VCP: variants seen among roughly 807,000 people sequenced by gnomAD.
VCP encodes transitional endoplasmic reticulum ATPase.
In VCP, 6 loss-of-function variants were observed where a neutral mutation model predicts 85.7. The observed-to-expected ratio is 0.07, with a 90% CI of 0.04 to 0.14. The LOEUF is 0.14. VCP is among the 10% of genes least tolerant of loss of function. The pLI is 1.00. For synonymous variants in VCP, 384 were observed against 367.1 expected, an observed-to-expected ratio of 1.05 and a Z score of -0.53; for missense variants, 353 against 1,043.4, an observed-to-expected ratio of 0.34 and a Z score of 9.12.
At chr9:35,062,496 G>T in intron 7 of VCP, 146 bp from the exon 8 acceptor site, 2 of 1,307,732 alleles carry the variant, frequency 1.5e-6, no homozygotes, top group Non-Finnish European at 1.1e-6. Context: ...TCCTCTACCA[G>T]CCATTATCCC....
At chr9:35,060,648 G>T in intron 12 of VCP, 123 bp from the exon 13 acceptor site, 1 of 1,525,478 alleles carries the variant, frequency 6.6e-7, no homozygotes, top group Non-Finnish European at 9.1e-7. Flanking sequence ...AGGTTCTCTA[G>T]AAGAAGACTC....
intron 1 of VCP, among the ~76,000 whole-genome samples, chr9:35,071,088 G>A (rs1033833709): frequency 3.3e-5 from 5 of 152,260 alleles, no homozygotes; most frequent in African/African-American, 9.6e-5. Context: ...CAGGTTCCAA[G>A]AATTTTAGAT....
In VCP at chr9:35,059,335, T is replaced by G; in HGVS notation, c.2005-116A>C. The G allele has an allele frequency of 6.5e-7, 1 of 1,541,768 alleles. No homozygotes were observed. Among genetic ancestry groups the G allele is most frequent in the South Asian group, 1.2e-5 (1 of 85,340 alleles). On this transcript the variant is annotated intron_variant, in intron 14 of 16. Coordinates refer to ENST00000358901, the MANE Select transcript of VCP (RefSeq NM_007126.5). This position sits in a 1 kb window ranked among gnomAD's most constrained non-coding sequence, Gnocchi z 4.9. ...TTGCCCCTTCTTTGGCCACCCCATTTTATTCCTGATTCTAGATTATCTTGA... is the reference window on the plus strand; with the variant it reads ...TTGCCCCTTCTTTGGCCACCCCATTGTATTCCTGATTCTAGATTATCTTGA...
rs753523616 is a variant in VCP, at chr9:35,059,841, A to G, written c.1696-40T>C. 4 of 1,613,616 alleles carry G rather than the reference A, an allele frequency of 2.5e-6. No homozygotes were observed. Among genetic ancestry groups the G allele is most frequent in the South Asian group, 2.2e-5 (2 of 91,022 alleles). ...GATTGATTCAAGCACTAACAAAACT[A>G]GATGTCTCTAGGCAAACGTGGTGGC... On this transcript the variant is annotated intron_variant, in intron 13 of 16. Transcript: ENST00000358901. This position sits in a 1 kb window ranked among gnomAD's most constrained non-coding sequence, Gnocchi z 4.9.
At chr9:35,064,797 C>A (rs142873785) in intron 5 of VCP, among the ~76,000 whole-genome samples, 1 of 152,176 alleles carries the variant, frequency 6.6e-6, no homozygotes, top group East Asian at 1.9e-4. Flanking sequence ...ATCCAAGAAA[C>A]AATTAGGCCC....
Position 35,059,724 on chromosome 9 carries a change from T to G in VCP, c.1773A>C (p.Gly591=). ...SIAKARGGNI[G]DGGGAADRVI... Reference sequence around the variant, plus strand: ...CTCGGTCAGCAGCCCCACCACCATCTCCAATGTTACCTCCACGAGCCTTGG... The same window carrying G: ...CTCGGTCAGCAGCCCCACCACCATCGCCAATGTTACCTCCACGAGCCTTGG... The change falls in exon 14 of 17, where the codon GGA becomes GGC. Residue 591 remains glycine (G), a synonymous_variant. Coordinates refer to ENST00000358901, the MANE Select transcript of VCP (RefSeq NM_007126.5). This position sits in a 1 kb window ranked among gnomAD's most constrained non-coding sequence, Gnocchi z 4.9. The G allele has an allele frequency of 1.2e-6, 2 of 1,613,950 alleles. No homozygotes were observed. Among genetic ancestry groups the G allele is most frequent in the Non-Finnish European group, 1.7e-6 (2 of 1,179,986 alleles).
Position 35,059,445 on chromosome 9 carries a change from G to T in VCP, c.2004+48C>A, listed in dbSNP as rs1446477075. 1 of 1,607,778 alleles carries T rather than the reference G, an allele frequency of 6.2e-7. No individual in the cohort carries two copies. Among genetic ancestry groups the T allele is most frequent in the Admixed American group, 1.7e-5 (1 of 59,652 alleles). On this transcript the variant is annotated intron_variant, in intron 14 of 16. Coordinates refer to ENST00000358901, the MANE Select transcript of VCP (RefSeq NM_007126.5). This position sits in a 1 kb window ranked among gnomAD's most constrained non-coding sequence, Gnocchi z 4.9. ...AGAAACTAAAGAGCACTCCGTACCAGCCTGAGGACTCATGCAAGTCTCCCA... is the reference window on the plus strand; with the variant it reads ...AGAAACTAAAGAGCACTCCGTACCATCCTGAGGACTCATGCAAGTCTCCCA...
At position 35,060,473 on chromosome 9, in the gene VCP, T is replaced by C. The variant is rs1389575996; in HGVS notation, c.1535A>G (p.Lys512Arg). Residue 512 changes from lysine to arginine, a missense_variant, in exon 13 of 17, where the codon AAG (lysine) becomes AGG (arginine). Physicochemically the swap from Lys to Arg is conservative, Grantham distance 26. Around this residue, in one of 8 missense-constraint regions of VCP, gnomAD observed 30 missense variants for 192.3 expected, o/e 0.16. Transcript: ENST00000358901. ...AGGAGGTCCATAGAACAGAACTCCCTTGGAAGGTGTCATGCCAAACTTCAG... is the reference window on the plus strand; with the variant it reads ...AGGAGGTCCATAGAACAGAACTCCCCTGGAAGGTGTCATGCCAAACTTCAG... ...KFLKFGMTPS[K>R]GVLFYGPPGC... is the part of the protein sequence containing the mutation. 2 of 1,614,080 alleles carry C rather than the reference T, an allele frequency of 1.2e-6. No homozygotes were observed. Among genetic ancestry groups the C allele is most frequent in the African/African-American group, 2.7e-5 (2 of 74,932 alleles).
At chr9:35,071,978 G>A (rs1036418435) in intron 1 of VCP, 4 of 1,090,952 alleles carry the variant, frequency 3.7e-6, no homozygotes, top group Non-Finnish European at 4.5e-6. Flanking sequence ...ACGGCAGACT[G>A]GCGCCCCAAA....
At chr9:35,060,986 TG>T in intron 11 of VCP, 28 bp downstream of exon 11, 2 of 1,614,190 alleles carry the variant, frequency 1.2e-6, no homozygotes, top group Non-Finnish European at 1.7e-6. Context: ...CACGTATGTG[TG>T]TACCTGAGGC....
At chr9:35,064,404 A>C in intron 5 of VCP, 119 bp from the exon 6 acceptor site, 4 of 1,357,492 alleles carry the variant, frequency 2.9e-6, no homozygotes, top group Non-Finnish European at 3.1e-6. Flanking sequence ...GAAGATTCTC[A>C]ACCCGGCATG....
At chr9:35,066,415 T>C (rs556510142) in intron 4 of VCP, among the ~76,000 whole-genome samples, 1 of 150,300 alleles carries the variant, frequency 6.7e-6, no homozygotes, top group South Asian at 2.2e-4. Context: ...GTGCCCACGA[T>C]GGGGTTTCGC....
At chr9:35,070,555 T>C (rs1464277582) in intron 1 of VCP, among the ~76,000 whole-genome samples, 1 of 152,154 alleles carries the variant, frequency 6.6e-6, no homozygotes, top group Non-Finnish European at 1.5e-5. Context: ...TGTCTCAGCC[T>C]CCAGAGTGGC....
chr9:35,068,084 C>G, intron 2 of VCP, 21 bp from the exon 3 acceptor site: 2 of 1,614,118 alleles, frequency 1.2e-6, no homozygotes, highest in Non-Finnish European at 1.7e-6. Context: ...AAAGTTAAGG[C>G]CTTTGGGTCA....
At chr9:35,058,118 T>C (rs892624889) in intron 15 of VCP, among the ~76,000 whole-genome samples, 1 of 152,140 alleles carries the variant, frequency 6.6e-6, no homozygotes, top group African/African-American at 2.4e-5. Flanking sequence ...AATTCTACTC[T>C]CTTCACAGCC....
In VCP at chr9:35,057,097, T is replaced by C; in HGVS notation, c.*20A>G. On this transcript the variant is annotated 3_prime_UTR_variant, in exon 17 of 17. Transcript: ENST00000358901. The stretch of plus-strand genomic sequence containing the variant: ...ACAAGGTCCAGGCAGGCCAGCTCAC[T>C]GCACGCTGGCCACCACCACTTAGCC... The C allele has an allele frequency of 6.2e-7, 1 of 1,610,868 alleles. No individual in the cohort carries two copies. Among genetic ancestry groups the C allele is most frequent in the East Asian group, 2.2e-5 (1 of 44,856 alleles).
chr9:35,064,621 A>C (rs199895940), intron 5 of VCP, among the ~76,000 whole-genome samples: 2 of 152,360 alleles, frequency 1.3e-5, no homozygotes, highest in East Asian at 3.9e-4. Context: ...CTTGCCTCTC[A>C]CATTACTCGT....
chr9:35,060,682 A>G, intron 12 of VCP, 119 bp downstream of exon 12: 1 of 1,577,236 alleles, frequency 6.3e-7, no homozygotes, highest in Non-Finnish European at 8.7e-7. Context: ...ACCTAAGAAC[A>G]GTAGGTTCCT....
intron 1 of VCP, among the ~76,000 whole-genome samples, chr9:35,070,825 A>G (rs1828925733): frequency 6.6e-6 from 1 of 152,190 alleles, no homozygotes; most frequent in African/African-American, 2.4e-5. Context: ...GATGAGTGGT[A>G]TGCCCTTTTC....
Sources: allele counts gnomAD v4.1 joint callset (sites outside exome capture counted in the v4.1 genomes callset), GRCh38; gene constraint gnomAD v4.1.1; regional missense constraint gnomAD v4.1.1; non-coding constraint Gnocchi (gnomAD v3.1); transcripts MANE v1.5; gene names NCBI Gene and HGNC (gene_info 2026-07-23, HGNC 2026-07-21).